Variants in FBXO4 observed in about 807,000 individuals in gnomAD.
The protein encoded by FBXO4 is F-box only protein 4.
Under a neutral mutation model 43.7 loss-of-function variants are expected in FBXO4, and 36 were observed. That is an observed-to-expected ratio of 0.82 (90% CI 0.63 to 1.09). The LOEUF (loss-of-function observed/expected upper bound fraction) is 1.09, where lower values mean the gene tolerates loss of function less well. Ranked by LOEUF, FBXO4 falls within the 50% of genes least tolerant of loss-of-function variation. FBXO4 has a pLI of 0.00. For synonymous variants in FBXO4, 180 were observed against 165.6 expected, an observed-to-expected ratio of 1.09 and a Z score of -0.67; for missense variants, 435 against 474.1, an observed-to-expected ratio of 0.92 and a Z score of 0.77.
chr5:41,979,521 C>T, the FBXO4 span, among the ~76,000 whole-genome samples: 3 of 152,190 alleles, frequency 2.0e-5, no homozygotes, highest in Non-Finnish European at 4.4e-5. Context: ...ACAAACCTTA[C>T]TTTGTAGTGT....
At chr5:41,940,258 A>C (rs963062804) in intron 6 of FBXO4, among the ~76,000 whole-genome samples, 1 of 151,722 alleles carries the variant, frequency 6.6e-6, no homozygotes, top group African/African-American at 2.4e-5. Context: ...ATTGCTTTCT[A>C]AAATATATTT....
intron 2 of FBXO4, 62 bp from the exon 3 acceptor site, chr5:41,929,635 T>C (rs1751614835): frequency 8.1e-7 from 1 of 1,239,164 alleles, no homozygotes; most frequent in African/African-American, 1.5e-5. Flanking sequence ...AAATTATATA[T>C]TTTTGAATGA....
the FBXO4 span, among the ~76,000 whole-genome samples, chr5:41,987,612 T>G: frequency 6.6e-6 from 1 of 152,218 alleles, no homozygotes; most frequent in Non-Finnish European, 1.5e-5. Flanking sequence ...AATGCCTTTT[T>G]GCAGCATGAA....
the FBXO4 span, among the ~76,000 whole-genome samples, chr5:41,982,409 CTGT>C: frequency 2.0e-5 from 3 of 152,078 alleles, no homozygotes; most frequent in East Asian, 1.9e-4. Context: ...TTTCCAGCTC[CTGT>C]TGTTTCCTGA....
chr5:41,933,823 C>T, intron 3 of FBXO4, 123 bp from the exon 4 acceptor site: 2 of 666,260 alleles, frequency 3.0e-6, no homozygotes, highest in South Asian at 4.0e-5. Flanking sequence ...TATTTCAACT[C>T]TATGTATAAG....
the FBXO4 span, among the ~76,000 whole-genome samples, chr5:41,964,365 TAG>T: frequency 6.6e-6 from 1 of 152,126 alleles, no homozygotes; most frequent in Non-Finnish European, 1.5e-5. Context: ...ATTAACAACT[TAG>T]AGTGATTTCT....
chr5:41,984,565 T>C, the FBXO4 span, among the ~76,000 whole-genome samples: 1 of 152,210 alleles, frequency 6.6e-6, no homozygotes, highest in Non-Finnish European at 1.5e-5. Context: ...AAATTTTCCT[T>C]TATGTCAGAA....
At chr5:41,980,652 T>A in the FBXO4 span, among the ~76,000 whole-genome samples, 2 of 146,672 alleles carry the variant, frequency 1.4e-5, no homozygotes, top group Non-Finnish European at 3.0e-5. Context: ...GTTTTATGGG[T>A]TTTTTTTTGC....
chr5:41,936,890 CA>C (rs1459875909), intron 5 of FBXO4, among the ~76,000 whole-genome samples: 2 of 151,702 alleles, frequency 1.3e-5, no homozygotes, highest in African/African-American at 2.4e-5. Context: ...GCTTATGAAC[CA>C]TACAGTTTTT....
At chr5:41,926,442 A>G (rs1200743139) in intron 1 of FBXO4, among the ~76,000 whole-genome samples, 1 of 152,146 alleles carries the variant, frequency 6.6e-6, no homozygotes, top group African/African-American at 2.4e-5. Context: ...GCTTGGTGGC[A>G]GGCGCCTGTA....
At chr5:41,982,428 T>C in the FBXO4 span, among the ~76,000 whole-genome samples, 1 of 152,214 alleles carries the variant, frequency 6.6e-6, no homozygotes, top group Non-Finnish European at 1.5e-5. Flanking sequence ...CCTGACTTTT[T>C]AATGATCGCC....
At chr5:42,028,924 CATTTATTTA>C in the FBXO4 span, among the ~76,000 whole-genome samples, 1 of 151,636 alleles carries the variant, frequency 6.6e-6, no homozygotes, top group Non-Finnish European at 1.5e-5. Flanking sequence ...TTGTTGTAGT[CATTTATTTA>C]TTTGGTTCAA....
the FBXO4 span, among the ~76,000 whole-genome samples, chr5:41,978,170 T>C: frequency 6.6e-6 from 1 of 152,112 alleles, no homozygotes; most frequent in African/African-American, 2.4e-5. Context: ...GATGCCATGC[T>C]CTTTTAAACA....
At chr5:41,989,317 T>C in the FBXO4 span, among the ~76,000 whole-genome samples, 8 of 152,154 alleles carry the variant, frequency 5.3e-5, no homozygotes, top group Non-Finnish European at 8.8e-5. Context: ...ATATATATAA[T>C]TAATGTAATT....
At chr5:41,950,294 C>A in the FBXO4 span, among the ~76,000 whole-genome samples, 16 of 151,432 alleles carry the variant, frequency 1.1e-4, no homozygotes, top group Non-Finnish European at 2.4e-4. Context: ...CAGAATGGGA[C>A]AAAAATTTTG....
chr5:41,939,401 A>C (rs149501526), intron 5 of FBXO4, 40 bp from the exon 6 acceptor site: 1 of 1,508,550 alleles, frequency 6.6e-7, no homozygotes, highest in African/African-American at 1.4e-5. Context: ...AAAACTATTA[A>C]AAGTAATGCA....
At chr5:42,039,693 G>T in the FBXO4 span, among the ~76,000 whole-genome samples, 3 of 152,102 alleles carry the variant, frequency 2.0e-5, no homozygotes, top group Non-Finnish European at 2.9e-5. Flanking sequence ...TGGCAAAAGA[G>T]ATGGGATAGT....
the FBXO4 span, among the ~76,000 whole-genome samples, chr5:41,971,318 T>A: frequency 2.0e-5 from 3 of 151,728 alleles, no homozygotes; most frequent in African/African-American, 7.3e-5. Context: ...TTAAATTGAT[T>A]TAATTAAATT....
chr5:41,964,910 G>T, the FBXO4 span, among the ~76,000 whole-genome samples: 49 of 152,128 alleles, frequency 3.2e-4, no homozygotes, highest in Non-Finnish European at 5.9e-4. Flanking sequence ...TGTCAATTTT[G>T]GCTTTTGTTG....
Sources: gnomAD v4.1 joint callset for allele counts (sites outside exome capture counted in the v4.1 genomes callset) on GRCh38, gnomAD v4.1.1 for gene constraint, MANE v1.5 for transcripts, NCBI Gene and HGNC (gene_info 2026-07-23, HGNC 2026-07-21) for gene names.